EPS15: variants seen among roughly 807,000 people sequenced by gnomAD.
EPS15 encodes epidermal growth factor receptor substrate 15.
A neutral mutation model predicts 113.8 loss-of-function variants in EPS15; 72 were observed. That is an observed-to-expected ratio of 0.63 (90% CI 0.52 to 0.77). The LOEUF is 0.77. Among genes scored for constraint, EPS15 ranks in the 30% least tolerant of loss-of-function variants. The pLI, the probability that EPS15 is intolerant of heterozygous loss-of-function variation, is 0.00. For missense variants in EPS15, 1,048 were observed against 1,045.8 expected (o/e 1.00, Z -0.03); for synonymous variants, 344 against 363.4 (o/e 0.95, Z 0.61).
chr1:51,512,326 C>G (rs1298694615), intron 1 of EPS15, among the ~76,000 whole-genome samples: 1 of 152,152 alleles, frequency 6.6e-6, no homozygotes, highest in Non-Finnish European at 1.5e-5. Flanking sequence ...TGCCCAAGAT[C>G]ACAGAACTAC....
intron 1 of EPS15, among the ~76,000 whole-genome samples, chr1:51,495,043 A>T (rs1390207114): frequency 6.6e-6 from 1 of 152,254 alleles, no homozygotes; most frequent in African/African-American, 2.4e-5. Context: ...GGGACCTATT[A>T]GAAAGGGGTC....
At chr1:51,511,966 CATAAAAACA>C (rs1232178329) in intron 1 of EPS15, among the ~76,000 whole-genome samples, 5 of 152,200 alleles carry the variant, frequency 3.3e-5, no homozygotes, top group Non-Finnish European at 5.9e-5. Flanking sequence ...ATTTTTACCA[CATAAAAACA>C]AGTTTTAAAA....
At chr1:51,359,518 G>A (rs1476703091) in intron 24 of EPS15, among the ~76,000 whole-genome samples, 1 of 150,966 alleles carries the variant, frequency 6.6e-6, no homozygotes, top group Admixed American at 6.6e-5. Context: ...CCAACACTTT[G>A]AGAGGCTGAG....
chr1:51,390,705 C>T (rs1424807134), intron 21 of EPS15, among the ~76,000 whole-genome samples: 34 of 151,914 alleles, frequency 2.2e-4, no homozygotes, highest in Admixed American at 2.2e-3. Context: ...CCAACAGACA[C>T]GTGAAAAAAT....
intron 12 of EPS15, among the ~76,000 whole-genome samples, chr1:51,428,423 AAG>A (rs1466006813): frequency 6.6e-6 from 1 of 152,236 alleles, no homozygotes. Flanking sequence ...ATGCATAAAA[AAG>A]AATTTATGAA....
intron 12 of EPS15, among the ~76,000 whole-genome samples, chr1:51,428,644 C>G (rs1651426675): frequency 6.6e-6 from 1 of 151,706 alleles, no homozygotes; most frequent in Admixed American, 6.6e-5. Context: ...CTGGCCAACA[C>G]AGTGAAACCC....
rs1422031146 is a variant in EPS15, at chr1:51,421,429, TGATGATGATGA to T, written c.1113+346_1113+356del. 3.3e-5 allele frequency among the ~76,000 whole-genome samples: 5 copies of T among 152,046 alleles called. No homozygotes were observed. The East Asian group carries it at 9.6e-4, about 29-fold the overall frequency. ...TACTGGTTTTTGATGATGATGATGA[TGATGATGATGA>T]GATGATGATCTCACTCTAATTTTAC... On this transcript the variant is annotated intron_variant, in intron 13 of 24. Coordinates refer to ENST00000371733, the MANE Select transcript of EPS15 (RefSeq NM_001981.3).
rs888087558 is a variant in EPS15, at chr1:51,354,852, T to C, written c.*1848A>G. The C allele has an allele frequency of 9.9e-6, 2 of 202,464 alleles. No individual in the cohort carries two copies. Among genetic ancestry groups the C allele is most frequent in the Non-Finnish European group, 2.0e-5 (2 of 98,340 alleles). 12.5% of individuals were successfully genotyped at this position (202,464 alleles called of 1,614,324 possible). ...AGTTGGTGTTTATAAGTTATAGATA[T>C]TTAATATTTGAGTTTAATTGAAAAT... On this transcript the variant is annotated 3_prime_UTR_variant, in exon 25 of 25. Transcript: ENST00000371733.
chr1:51,439,611 C>A (rs900334935), intron 12 of EPS15, among the ~76,000 whole-genome samples: 1 of 151,976 alleles, frequency 6.6e-6, no homozygotes, highest in East Asian at 1.9e-4. Context: ...CCAGGGAACA[C>A]GGAAATTAAG....
At chr1:51,509,841 C>CAT (rs762533182) in intron 1 of EPS15, among the ~76,000 whole-genome samples, 5 of 152,196 alleles carry the variant, frequency 3.3e-5, no homozygotes, top group African/African-American at 4.8e-5. Context: ...TAGCCTACAA[C>CAT]ATATGTTCAG....
chr1:51,362,791 A>G (rs888649495), intron 23 of EPS15, among the ~76,000 whole-genome samples: 1 of 152,146 alleles, frequency 6.6e-6, no homozygotes, highest in Admixed American at 6.5e-5. Flanking sequence ...TTTCCCAAGG[A>G]ATGAGGTATG....
intron 24 of EPS15, among the ~76,000 whole-genome samples, chr1:51,360,479 A>G (rs1646357463): frequency 6.6e-6 from 1 of 152,158 alleles, no homozygotes; most frequent in South Asian, 2.1e-4. Flanking sequence ...TTATGCTGTT[A>G]TCATGGCACC....
chr1:51,434,716 G>A (rs1652001594), intron 12 of EPS15, among the ~76,000 whole-genome samples: 1 of 152,154 alleles, frequency 6.6e-6, no homozygotes, highest in South Asian at 2.1e-4. Context: ...TTGTCTCCCA[G>A]GCTGGAGTGC....
chr1:51,365,908 G>A (rs1392972021), intron 22 of EPS15, 45 bp downstream of exon 22: 1 of 1,329,754 alleles, frequency 7.5e-7, no homozygotes, highest in Non-Finnish European at 1.1e-6. Context: ...TTCTTTTGGT[G>A]GAAACACAGT....
chr1:51,406,151 G>C, intron 15 of EPS15, 43 bp from the exon 16 acceptor site: 1 of 1,556,248 alleles, frequency 6.4e-7, no homozygotes, highest in Non-Finnish European at 8.8e-7. Flanking sequence ...TTTATTACTA[G>C]AAAGACATGT....
chr1:51,415,860 C>A (rs1245947668), intron 13 of EPS15, among the ~76,000 whole-genome samples: 1 of 146,976 alleles, frequency 6.8e-6, no homozygotes, highest in Non-Finnish European at 1.5e-5. Flanking sequence ...TACAAAAAGG[C>A]CTTCCTTTCC....
At chr1:51,393,116 T>C (rs761699191) in intron 21 of EPS15, among the ~76,000 whole-genome samples, 2 of 152,262 alleles carry the variant, frequency 1.3e-5, no homozygotes, top group Non-Finnish European at 2.9e-5. Flanking sequence ...TCACTCTTGC[T>C]ACTCATGTTG....
intron 21 of EPS15, among the ~76,000 whole-genome samples, chr1:51,389,674 AACAG>A (rs1647203483): frequency 6.6e-6 from 1 of 152,136 alleles, no homozygotes; most frequent in South Asian, 2.1e-4. Context: ...ATACACCAAT[AACAG>A]ACAGAGAGCC....
intron 12 of EPS15, among the ~76,000 whole-genome samples, chr1:51,437,777 C>G (rs995927837): frequency 2.0e-5 from 3 of 152,102 alleles, no homozygotes; most frequent in African/African-American, 7.2e-5. Context: ...GCTATCGCGC[C>G]CAGCCCCTGG....
Sources: allele counts gnomAD v4.1 joint callset (sites outside exome capture counted in the v4.1 genomes callset), GRCh38; gene constraint gnomAD v4.1.1; transcripts MANE v1.5; gene names NCBI Gene and HGNC (gene_info 2026-07-23, HGNC 2026-07-21).